Variants in LRRFIP2 observed in about 807,000 individuals in gnomAD.
The protein encoded by LRRFIP2 is LRR binding FLII interacting protein 2.
Under a neutral mutation model 125.9 loss-of-function variants are expected in LRRFIP2, and 109 were observed. The observed-to-expected ratio is 0.87, with a 90% CI of 0.74 to 1.01. The LOEUF is 1.01. LRRFIP2 is among the 50% of genes least tolerant of loss of function. The pLI, the probability that LRRFIP2 is intolerant of heterozygous loss-of-function variation, is 0.00. For synonymous variants in LRRFIP2, 291 were observed against 293.1 expected, an observed-to-expected ratio of 0.99 and a Z score of 0.07; for missense variants, 850 against 862.3, an observed-to-expected ratio of 0.99 and a Z score of 0.18.
chr3:37,127,653 A>C lies in LRRFIP2; in HGVS notation c.205T>G (p.Trp69Gly). The change falls in exon 4 of 28, where the codon TGG (tryptophan) becomes GGG (glycine). Residue 69 changes from tryptophan to glycine, a missense_variant. Transcript: ENST00000336686. ...ACCAGCCACTTCTGAATCTGTCCCC[A>C]CTTCCGATCAAAGGAATGAAGAGAG... ...EYSLHSFDRK[W>G]GQIQKWLEDS... The C allele has an allele frequency of 6.2e-7, 1 of 1,614,018 alleles. No homozygotes were observed. The highest frequency in any genetic ancestry group is 1.1e-5 in the South Asian group (1 of 91,082).
intron 6 of LRRFIP2, among the ~76,000 whole-genome samples, chr3:37,118,004 T>C (rs1478982693): frequency 6.6e-6 from 1 of 152,206 alleles, no homozygotes; most frequent in Non-Finnish European, 1.5e-5. Flanking sequence ...AGGCTACTGG[T>C]ATATAAATAG....
intron 2 of LRRFIP2, chr3:37,134,706 C>G (rs915876869): frequency 5.3e-6 from 4 of 760,064 alleles, no homozygotes; most frequent in Non-Finnish European, 9.4e-6. Flanking sequence ...GGCCCATGAC[C>G]CTCCAGCACA....
At chr3:37,157,411 C>A (rs1180230521) in intron 1 of LRRFIP2, among the ~76,000 whole-genome samples, 2 of 152,048 alleles carry the variant, frequency 1.3e-5, no homozygotes, top group African/African-American at 2.4e-5. Flanking sequence ...CCACTGCACT[C>A]CAGCCTGGAT....
chr3:37,135,231 C>T (rs1163276787), intron 2 of LRRFIP2: 4 of 640,544 alleles, frequency 6.2e-6, no homozygotes, highest in African/African-American at 1.8e-5. Context: ...GAGTCCAAGG[C>T]GGGCTGATCA....
chr3:37,088,713 C>T (rs1172883383), intron 18 of LRRFIP2, among the ~76,000 whole-genome samples: 1 of 151,964 alleles, frequency 6.6e-6, no homozygotes, highest in African/African-American at 2.4e-5. Context: ...CTTAGGATCG[C>T]TTGAGTCCAG....
chr3:37,175,174 T>A (rs987271882), upstream of LRRFIP2: 3 of 152,200 alleles, frequency 2.0e-5, no homozygotes, highest in African/African-American at 7.2e-5. Flanking sequence ...CCGCTCTCCT[T>A]CTCTCTTGTT....
chr3:37,101,084 G>A (rs559663314), intron 15 of LRRFIP2, among the ~76,000 whole-genome samples: 14 of 152,240 alleles, frequency 9.2e-5, no homozygotes, highest in African/African-American at 2.6e-4. Context: ...TTGGCTGGGC[G>A]CGGTGGCTCA....
At position 37,165,800 on chromosome 3, in the gene LRRFIP2, AGAAAGAAAGAAAGAAAGAAAG is replaced by A. The variant is rs2096468190; in HGVS notation, c.-56+8718_-56+8738del. Among the ~76,000 whole-genome samples the A allele has an allele frequency of 2.5e-4, 10 of 40,326 alleles. No homozygotes were observed. In the South Asian group the frequency reaches 9.3e-3, roughly 37 times the overall value. 26.5% of individuals were successfully genotyped at this position (40,326 alleles called of 152,430 possible). ...GAAAAGAAAAGAGAAAGAAAGAGAA[AGAAAGAAAGAAAGAAAGAAAG>A]AAAGAAAGAAAGAAAGAAAGAAAGA... is the stretch of plus-strand genomic sequence containing the variant. On this transcript the variant is annotated intron_variant, in intron 1 of 27. Coordinates refer to ENST00000336686, the MANE Select transcript of LRRFIP2 (RefSeq NM_006309.4).
chr3:37,152,411 C>T (rs1318714451), intron 1 of LRRFIP2, among the ~76,000 whole-genome samples: 1 of 152,062 alleles, frequency 6.6e-6, no homozygotes, highest in Non-Finnish European at 1.5e-5. Flanking sequence ...ACCCACATAA[C>T]CAAAAACCAT....
chr3:37,099,890 G>A (rs1346845119), intron 15 of LRRFIP2, among the ~76,000 whole-genome samples: 2 of 152,126 alleles, frequency 1.3e-5, no homozygotes, highest in African/African-American at 4.8e-5. Flanking sequence ...AGTACACAAC[G>A]AGGTAACCAG....
chr3:37,113,656 G>A (rs1397521500), intron 7 of LRRFIP2, among the ~76,000 whole-genome samples: 2 of 152,030 alleles, frequency 1.3e-5, no homozygotes, highest in Non-Finnish European at 2.9e-5. Flanking sequence ...CTTACCTAAA[G>A]GTCAAAAAGC....
intron 17 of LRRFIP2, 37 bp from the exon 18 acceptor site, chr3:37,091,575 T>C (rs1239332789): frequency 7.8e-6 from 11 of 1,408,100 alleles, no homozygotes; most frequent in South Asian, 1.3e-5. Context: ...CATAAAACCA[T>C]GCACAAACGT....
intron 18 of LRRFIP2, among the ~76,000 whole-genome samples, chr3:37,086,655 C>G (rs2093067461): frequency 6.6e-6 from 1 of 152,056 alleles, no homozygotes; most frequent in Non-Finnish European, 1.5e-5. Context: ...TATAAAATCT[C>G]CAGAATAGGC....
intron 18 of LRRFIP2, among the ~76,000 whole-genome samples, chr3:37,088,843 A>G (rs992883321): frequency 6.6e-6 from 1 of 152,056 alleles, no homozygotes; most frequent in Non-Finnish European, 1.5e-5. Context: ...AATTTTAAAA[A>G]AAGTACCTAA....
intron 18 of LRRFIP2, among the ~76,000 whole-genome samples, chr3:37,084,816 C>T (rs938101362): frequency 2.3e-4 from 35 of 151,828 alleles, no homozygotes; most frequent in Non-Finnish European, 4.0e-4. Context: ...GTAACTATAT[C>T]TACTTTGGTA....
intron 13 of LRRFIP2, among the ~76,000 whole-genome samples, chr3:37,107,690 G>A (rs1167727142): frequency 6.6e-6 from 1 of 151,906 alleles, no homozygotes; most frequent in Non-Finnish European, 1.5e-5. Flanking sequence ...TGCACTGATA[G>A]AAGCGCTGGC....
rs755879552 is a variant in LRRFIP2 at position 37,108,626 on chromosome 3, T to C, written c.657+11A>G. 3 of 1,603,598 alleles carry C rather than the reference T, an allele frequency of 1.9e-6. No homozygotes were observed. The highest frequency in any genetic ancestry group is 3.3e-5 in the Admixed American group (2 of 59,780). ...CCCTCCTCTTCACCACCTTCCCCTATTTAGACTTACAGTTCGAGGACCATA... is the reference window on the plus strand; with the variant it reads ...CCCTCCTCTTCACCACCTTCCCCTACTTAGACTTACAGTTCGAGGACCATA... On this transcript the variant is annotated intron_variant, in intron 12 of 27. Transcript: ENST00000336686.
At chr3:37,055,491 G>T (rs910558507) in intron 25 of LRRFIP2, among the ~76,000 whole-genome samples, 2 of 152,094 alleles carry the variant, frequency 1.3e-5, no homozygotes, top group Admixed American at 1.3e-4. Flanking sequence ...ACTTGAACCC[G>T]GGAGGCAGAG....
chr3:37,093,869 G>A (rs1295792099), intron 17 of LRRFIP2, among the ~76,000 whole-genome samples: 3 of 152,182 alleles, frequency 2.0e-5, no homozygotes, highest in African/African-American at 7.2e-5. Flanking sequence ...TGGGTTGTCT[G>A]AATGCATCTC....
Sources: allele counts gnomAD v4.1 joint callset (sites outside exome capture counted in the v4.1 genomes callset), GRCh38; gene constraint gnomAD v4.1.1; transcripts MANE v1.5; gene names NCBI Gene and HGNC (gene_info 2026-07-23, HGNC 2026-07-21).